NUS1: variants seen among roughly 807,000 people sequenced by gnomAD.
NUS1 encodes NUS1 dehydrodolichyl diphosphate synthase subunit.
For synonymous variants in NUS1, 135 were observed against 155.2 expected (o/e 0.87, Z 0.97); for missense variants, 292 against 382.9 (o/e 0.76, Z 1.98).
chr6:117,690,133 A>C (rs147288128), intron 1 of NUS1, among the ~76,000 whole-genome samples: 2 of 152,354 alleles, frequency 1.3e-5, no homozygotes, highest in Admixed American at 1.3e-4. Context: ...CCATTCAAAT[A>C]GCTCCTGATA....
chr6:117,691,582 T>C (rs964427270), intron 1 of NUS1, among the ~76,000 whole-genome samples: 20 of 141,662 alleles, frequency 1.4e-4, no homozygotes, highest in African/African-American at 4.7e-4. Flanking sequence ...TATATATATA[T>C]ATATAGTTCA....
At chr6:117,691,552 G>GATATATATAT (rs1236328961) in intron 1 of NUS1, among the ~76,000 whole-genome samples, 748 of 37,360 alleles carry the variant, frequency 0.02, 5 homozygotes, top group Non-Finnish European at 0.034. Flanking sequence ...CTGTGCCATA[G>GATATATATAT]ATATAGATAT....
intron 3 of NUS1, among the ~76,000 whole-genome samples, chr6:117,702,082 T>C (rs1469625378): frequency 6.6e-6 from 1 of 152,218 alleles, no homozygotes; most frequent in Non-Finnish European, 1.5e-5. Context: ...AGTATGTATG[T>C]TATTTCCCAG....
At chr6:117,686,980 A>G (rs1202913306) in intron 1 of NUS1, among the ~76,000 whole-genome samples, 1 of 151,888 alleles carries the variant, frequency 6.6e-6, no homozygotes, top group Non-Finnish European at 1.5e-5. Context: ...GTGGGGGTCA[A>G]GTTATGAGTT....
chr6:117,677,972 G>A (rs1773008104), intron 1 of NUS1, among the ~76,000 whole-genome samples: 1 of 152,228 alleles, frequency 6.6e-6, no homozygotes, highest in Non-Finnish European at 1.5e-5. Flanking sequence ...AGTAGGGAAG[G>A]AAAATGTATA....
chr6:117,678,704 G>A (rs1386625882), intron 1 of NUS1, among the ~76,000 whole-genome samples: 5 of 136,114 alleles, frequency 3.7e-5, no homozygotes, highest in African/African-American at 5.4e-5. Context: ...TTTTTGAGAC[G>A]GAGTCTCGCT....
At chr6:117,694,901 C>T (rs967823949) in intron 3 of NUS1, among the ~76,000 whole-genome samples, 2 of 151,992 alleles carry the variant, frequency 1.3e-5, no homozygotes, top group East Asian at 1.9e-4. Context: ...ACTTATTAAT[C>T]GTGCATTTTC....
intron 4 of NUS1, among the ~76,000 whole-genome samples, chr6:117,705,407 A>G (rs1314072212): frequency 1.3e-5 from 2 of 152,208 alleles, no homozygotes; most frequent in African/African-American, 4.8e-5. Context: ...CAAGTTATTT[A>G]AACTCTCTAT....
rs1401542304 is a variant in NUS1 at position 117,693,266 on chromosome 6, C to T, written c.541+99C>T. On this transcript the variant is annotated intron_variant, in intron 2 of 4. Coordinates refer to ENST00000368494, the MANE Select transcript of NUS1 (RefSeq NM_138459.5). ...CTCTGTCATTTATTCATTCACGTTG[C>T]TCTGTTACTCTTTATTGTCAACATC... The T allele has an allele frequency of 5.0e-6, 6 of 1,192,002 alleles. No homozygotes were observed. In the East Asian group the frequency reaches 1.2e-4, roughly 24 times the overall value. The allele number at this position is 1,192,002 out of a possible 1,614,324, so 73.8% of individuals were successfully genotyped here.
chr6:117,677,868 T>C (rs1018691344), intron 1 of NUS1, among the ~76,000 whole-genome samples: 5 of 151,968 alleles, frequency 3.3e-5, no homozygotes, highest in African/African-American at 1.2e-4. Context: ...GGGAAAAAAA[T>C]AGGTGAAGCA....
chr6:117,683,435 G>T (rs950099365), intron 1 of NUS1, among the ~76,000 whole-genome samples: 4 of 151,818 alleles, frequency 2.6e-5, no homozygotes, highest in African/African-American at 9.7e-5. Flanking sequence ...TTAAATAATT[G>T]CTCCATAAAT....
At chr6:117,694,983 G>A (rs902206218) in intron 3 of NUS1, among the ~76,000 whole-genome samples, 5 of 151,798 alleles carry the variant, frequency 3.3e-5, no homozygotes, top group Middle Eastern at 3.4e-3. Context: ...TCGCTTGAGC[G>A]CAGGAGTTTG....
intron 3 of NUS1, among the ~76,000 whole-genome samples, chr6:117,702,380 G>A (rs1417183108): frequency 6.6e-6 from 1 of 152,152 alleles, no homozygotes; most frequent in Admixed American, 6.5e-5. Flanking sequence ...TAAAATGTAA[G>A]TTCTCTCCAG....
intron 2 of NUS1, among the ~76,000 whole-genome samples, chr6:117,693,602 A>G (rs1773275116): frequency 6.6e-6 from 1 of 152,192 alleles, no homozygotes; most frequent in African/African-American, 2.4e-5. Flanking sequence ...TGATAAAGGT[A>G]TGTATGCTAT....
At chr6:117,693,609 C>T (rs1291741129) in intron 2 of NUS1, among the ~76,000 whole-genome samples, 1 of 152,136 alleles carries the variant, frequency 6.6e-6, no homozygotes, top group Non-Finnish European at 1.5e-5. Flanking sequence ...GGTATGTATG[C>T]TATAGGCAAT....
chr6:117,675,472 C>A lies in NUS1; in HGVS notation c.-199C>A, dbSNP rs1772953588. ...CTGGCCAATCGGAACTGTCCATGTACTACTGGGGGCGGGGCTGCCAAGGGA... is the reference window on the plus strand; with the variant it reads ...CTGGCCAATCGGAACTGTCCATGTAATACTGGGGGCGGGGCTGCCAAGGGA... On this transcript the variant is annotated 5_prime_UTR_variant, in exon 1 of 5. Transcript: ENST00000368494. The A allele has an allele frequency of 3.3e-6, 2 of 604,206 alleles. No homozygotes were observed. Among genetic ancestry groups the A allele is most frequent in the Non-Finnish European group, 5.8e-6 (2 of 342,504 alleles). 37.4% of individuals were successfully genotyped at this position (604,206 alleles called of 1,614,324 possible).
chr6:117,706,505 G>A (rs913977961), intron 4 of NUS1, among the ~76,000 whole-genome samples: 1 of 152,126 alleles, frequency 6.6e-6, no homozygotes, highest in Non-Finnish European at 1.5e-5. Flanking sequence ...TGCTTTTCTT[G>A]TGGAAAAAGA....
At chr6:117,702,895 C>CT (rs1216103496) in intron 3 of NUS1, among the ~76,000 whole-genome samples, 1 of 152,116 alleles carries the variant, frequency 6.6e-6, no homozygotes, top group Non-Finnish European at 1.5e-5. Flanking sequence ...ATTATAGTAT[C>CT]TTTTTTCTGT....
chr6:117,700,121 C>G (rs1307669221), intron 3 of NUS1, among the ~76,000 whole-genome samples: 1 of 152,076 alleles, frequency 6.6e-6, no homozygotes, highest in Non-Finnish European at 1.5e-5. Flanking sequence ...GCACAGGCAA[C>G]CAGAGCAAAA....
Sources: allele counts gnomAD v4.1 joint callset (sites outside exome capture counted in the v4.1 genomes callset), GRCh38; gene constraint gnomAD v4.1.1; transcripts MANE v1.5; gene names NCBI Gene and HGNC (gene_info 2026-07-23, HGNC 2026-07-21).